Variants in AMZ1 observed in about 807,000 individuals in gnomAD.
AMZ1 encodes the protein archaelysin family metallopeptidase 1.
Under a neutral mutation model 29.9 loss-of-function variants are expected in AMZ1, and 39 were observed. The observed-to-expected ratio is 1.30, with a 90% CI of 1.01 to 1.70. The LOEUF (loss-of-function observed/expected upper bound fraction) is 1.70. Ranked by LOEUF, AMZ1 falls within the 40% of genes most tolerant of loss-of-function variation. The pLI is 0.00. For synonymous variants in AMZ1, 458 were observed against 304.0 expected, an observed-to-expected ratio of 1.51 and a Z score of -5.27; for missense variants, 1,041 against 680.6, an observed-to-expected ratio of 1.53 and a Z score of -5.89.
upstream of AMZ1, among the ~76,000 whole-genome samples, chr7:2,683,385 T>C (rs909051576): frequency 6.6e-6 from 1 of 152,166 alleles, no homozygotes; most frequent in African/African-American, 2.4e-5. Flanking sequence ...CTCCGTCTTC[T>C]CCTCTGTGTC....
chr7:2,724,770 T>C (rs1448215763), intron 4 of AMZ1, among the ~76,000 whole-genome samples: 1 of 152,238 alleles, frequency 6.6e-6, no homozygotes, highest in Non-Finnish European at 1.5e-5. Context: ...CTGAGCCGCA[T>C]TTCCAACACG....
rs1049135381 is a variant in AMZ1 at position 2,717,768 on chromosome 7, A to C, written c.*4890A>C. Among the ~76,000 whole-genome samples, 27 of 152,184 alleles carry C rather than the reference A, an allele frequency of 1.8e-4. No homozygotes were observed. Among genetic ancestry groups the C allele is most frequent in the African/African-American group, 6.5e-4 (27 of 41,430 alleles). On this transcript the variant is annotated 3_prime_UTR_variant, in exon 7 of 7. Coordinates refer to ENST00000683327, the MANE Select transcript of AMZ1 (RefSeq NM_001384743.1). Reference sequence around the variant, plus strand: ...GACATCCTACAGCAGCACCTTGATGAATGAGAACCCGGAAGAATGGAGGTT... The same window carrying C: ...GACATCCTACAGCAGCACCTTGATGCATGAGAACCCGGAAGAATGGAGGTT...
chr7:2,705,856 G>T (rs1287260560), intron 3 of AMZ1, among the ~76,000 whole-genome samples: 1 of 152,204 alleles, frequency 6.6e-6, no homozygotes, highest in African/African-American at 2.4e-5. Flanking sequence ...CGGGGACCCC[G>T]TGCCTCTCAG....
chr7:2,736,293 T>A (rs1790172154), intron 4 of AMZ1, among the ~76,000 whole-genome samples: 1 of 151,892 alleles, frequency 6.6e-6, no homozygotes. Context: ...GAAACACGAG[T>A]GGATCCAAAG....
rs1477225606 is a variant in AMZ1 at position 2,712,754 on chromosome 7, G to T, written c.1373G>T (p.Arg458Met). 5.0e-6 allele frequency: 8 copies of T among 1,601,900 alleles called. No homozygotes were observed. Among genetic ancestry groups the T allele is most frequent in the Non-Finnish European group, 6.8e-6 (8 of 1,173,164 alleles). ...PATRQDPPSS[R>M]DSVGLRKVLG... is the part of the protein sequence containing the mutation. ...ACCAGGCAGGACCCACCCAGCAGCA[G>T]GGACAGCGTGGGGCTGCGCAAGGTG... Residue 458 changes from arginine (R) to methionine (M), a missense_variant, in exon 7 of 7, where the codon AGG (arginine) becomes ATG (methionine). Transcript: ENST00000683327.
At position 2,696,013 on chromosome 7, in the gene AMZ1, G is replaced by T. The variant is rs4719632; in HGVS notation, c.-218-4221G>T. On this transcript the variant is annotated intron_variant, in intron 1 of 6. Coordinates refer to ENST00000683327, the MANE Select transcript of AMZ1 (RefSeq NM_001384743.1). Reference sequence around the variant, plus strand: ...GACAGAGCGAAACTGTCTTGGGGGGGAAAAAAAAAAAAAAAAGGAAATGGA... The same window carrying T: ...GACAGAGCGAAACTGTCTTGGGGGGTAAAAAAAAAAAAAAAAGGAAATGGA... 4.8e-3 allele frequency among the ~76,000 whole-genome samples: 517 copies of T among 107,200 alleles called. 6 individuals carry two copies. Among genetic ancestry groups the T allele is most frequent in the African/African-American group, 0.015 (488 of 33,380 alleles). The allele number at this position is 107,200 out of a possible 152,430, so 70.3% of individuals were successfully genotyped here.
At chr7:2,764,320 T>G (rs867799028), upstream of AMZ1, among the ~76,000 whole-genome samples, 30 of 150,020 alleles carry the variant, frequency 2.0e-4, no homozygotes, top group South Asian at 1.1e-3. Context: ...TAGGCTGGAG[T>G]GATCCTCCCA....
chr7:2,711,397 C>T (rs547386747), intron 6 of AMZ1, among the ~76,000 whole-genome samples: 24 of 152,208 alleles, frequency 1.6e-4, no homozygotes, highest in African/African-American at 2.4e-5. Flanking sequence ...GTGGTGTAAA[C>T]AGTCTCACGA....
chr7:2,735,784 G>T (rs1051106533), intron 4 of AMZ1, among the ~76,000 whole-genome samples: 2 of 152,172 alleles, frequency 1.3e-5, no homozygotes, highest in Non-Finnish European at 2.9e-5. Flanking sequence ...CTAGTTTCAT[G>T]TCAGGGCGGC....
upstream of AMZ1, among the ~76,000 whole-genome samples, chr7:2,761,522 G>C (rs949816219): frequency 1.3e-5 from 2 of 152,196 alleles, no homozygotes; most frequent in Non-Finnish European, 2.9e-5. Context: ...TGACTAAAAA[G>C]AGCTGGAACG....
At position 2,709,006 on chromosome 7, in the gene AMZ1, G is replaced by A. The variant is rs1788558886; in HGVS notation, c.602-69G>A. 2.0e-6 allele frequency: 3 copies of A among 1,487,592 alleles called. 1 individual carries two copies. The South Asian group carries it at 4.1e-5, about 20-fold the overall frequency. 92.1% of individuals were successfully genotyped at this position (1,487,592 alleles called of 1,614,324 possible). On this transcript the variant is annotated intron_variant, in intron 4 of 6. Transcript: ENST00000683327. ...CCAGCTTGCATGAGAGCATGAGGTG[G>A]GTTTGACGGTGGGCCCCCCAGAGCC...
intron 1 of AMZ1, among the ~76,000 whole-genome samples, chr7:2,693,447 A>C (rs1343694384): frequency 1.3e-5 from 2 of 151,954 alleles, no homozygotes; most frequent in Non-Finnish European, 2.9e-5. Flanking sequence ...TGGTGCGATC[A>C]CAGCTCACTG....
intron 4 of AMZ1, among the ~76,000 whole-genome samples, chr7:2,747,455 T>C (rs1377423072): frequency 2.0e-5 from 3 of 152,184 alleles, no homozygotes; most frequent in Admixed American, 2.0e-4. Flanking sequence ...GAAAAGGCCT[T>C]TGACAAAATT....
Position 2,712,646 on chromosome 7 carries a change from T to G in AMZ1, c.1265T>G (p.Val422Gly). ...TGCATCCAGGCCCTGCAGCGGGAAG[T>G]GGCAGAGGAGGACCTGGTGCAGGTG... The part of the protein sequence containing the change: ...AMCIQALQRE[V>G]AEEDLVQVDR... Residue 422 changes from valine (V) to glycine (G), a missense_variant, in exon 7 of 7, where the codon GTG becomes GGG. By Grantham distance (109) the Val-to-Gly change is moderately radical. Coordinates refer to ENST00000683327, the MANE Select transcript of AMZ1 (RefSeq NM_001384743.1). 6.2e-7 allele frequency: 1 copy of G among 1,613,016 alleles called. No homozygotes were observed. The highest frequency in any genetic ancestry group is 1.3e-5 in the African/African-American group (1 of 75,020).
At chr7:2,697,276 T>A (rs985151344) in intron 1 of AMZ1, among the ~76,000 whole-genome samples, 1 of 152,092 alleles carries the variant, frequency 6.6e-6, no homozygotes, top group African/African-American at 2.4e-5. Context: ...TTTGTATTTT[T>A]AGTAGAGATG....
At chr7:2,720,939 G>A (rs866101175), downstream of AMZ1, among the ~76,000 whole-genome samples, 6 of 152,136 alleles carry the variant, frequency 3.9e-5, no homozygotes, top group South Asian at 2.1e-4. Context: ...TCGGGCTCAC[G>A]AAGTGCCTGG....
At chr7:2,702,605 G>T in intron 2 of AMZ1, 117 bp from the exon 3 acceptor site, 1 of 1,196,154 alleles carries the variant, frequency 8.4e-7, no homozygotes, top group Admixed American at 2.9e-5. Flanking sequence ...TTGCTGTCAG[G>T]GTAGGTCCAC....
At chr7:2,725,055 C>T (rs942179456) in intron 4 of AMZ1, among the ~76,000 whole-genome samples, 5 of 152,210 alleles carry the variant, frequency 3.3e-5, no homozygotes, top group African/African-American at 4.8e-5. Context: ...TCCACCAGGA[C>T]GGGGTATCTG....
At position 2,712,643 on chromosome 7, in the gene AMZ1, A is replaced by T; in HGVS notation, c.1262A>T (p.Glu421Val). The stretch of plus-strand genomic sequence containing the variant: ...ATGTGCATCCAGGCCCTGCAGCGGG[A>T]AGTGGCAGAGGAGGACCTGGTGCAG... ...LAMCIQALQR[E>V]VAEEDLVQVD... The change falls in exon 7 of 7, where the codon GAA (glutamate) becomes GTA (valine). Residue 421 changes from glutamate (E) to valine (V), a missense_variant. Coordinates refer to ENST00000683327, the MANE Select transcript of AMZ1 (RefSeq NM_001384743.1). 6.2e-7 allele frequency: 1 copy of T among 1,613,086 alleles called. No individual in the cohort carries two copies. Among genetic ancestry groups the T allele is most frequent in the South Asian group, 1.1e-5 (1 of 91,078 alleles).
Sources: gnomAD v4.1 joint callset for allele counts (sites outside exome capture counted in the v4.1 genomes callset) on GRCh38, gnomAD v4.1.1 for gene constraint, MANE v1.5 for transcripts, NCBI Gene and HGNC (gene_info 2026-07-23, HGNC 2026-07-21) for gene names.